SLC4A8: variants seen among roughly 807,000 people sequenced by gnomAD.
SLC4A8 encodes solute carrier family 4 member 8.
In SLC4A8, 40 loss-of-function variants were observed where a neutral mutation model predicts 125.0. That is an observed-to-expected ratio of 0.32 (90% CI 0.25 to 0.42). The LOEUF is 0.42. SLC4A8 is among the 10% of genes least tolerant of loss of function. SLC4A8 has a pLI of 1.00. For missense variants in SLC4A8, 863 were observed against 1,355.1 expected, an observed-to-expected ratio of 0.64 and a Z score of 5.70; for synonymous variants, 456 against 476.0, an observed-to-expected ratio of 0.96 and a Z score of 0.55.
At chr12:51,445,653 T>C (rs1201585228) in intron 2 of SLC4A8, among the ~76,000 whole-genome samples, 3 of 152,048 alleles carry the variant, frequency 2.0e-5, no homozygotes, top group African/African-American at 7.2e-5. Flanking sequence ...ACCTGTGCAC[T>C]TGATCTTCCC....
Position 51,503,813 on chromosome 12 carries a change from T to C in SLC4A8, c.3082-216T>C, listed in dbSNP as rs771446621. On this transcript the variant is annotated intron_variant, in intron 22 of 24. Transcript: ENST00000453097. ...ATTAGCTCTAGAGGTTTACTCAGAT[T>C]GACATTTTCTTTTTTTCTTTTTTGA... 5.9e-5 allele frequency among the ~76,000 whole-genome samples: 9 copies of C among 152,346 alleles called. No homozygotes were observed. The South Asian group carries it at 1.7e-3, about 28-fold the overall frequency.
chr12:51,433,100 A>G (rs1592173371), intron 1 of SLC4A8, among the ~76,000 whole-genome samples: 1 of 152,162 alleles, frequency 6.6e-6, no homozygotes, highest in African/African-American at 2.4e-5. Context: ...AGCTGGGGCC[A>G]TTATGTAAGA....
At chr12:51,424,376 G>A (rs1948889491), upstream of SLC4A8, 1 of 152,250 alleles carries the variant, frequency 6.6e-6, no homozygotes, top group Non-Finnish European at 1.5e-5. Context: ...GTGAGACTGT[G>A]AGGGAGCCTG....
intron 1 of SLC4A8, among the ~76,000 whole-genome samples, chr12:51,427,112 G>A (rs1949018581): frequency 6.6e-6 from 1 of 151,762 alleles, no homozygotes; most frequent in African/African-American, 2.4e-5. Context: ...CTAATTTTTT[G>A]TATTTTTAGT....
At position 51,475,156 on chromosome 12, in the gene SLC4A8, C is replaced by T. The variant is rs763361233; in HGVS notation, c.2122C>T (p.Leu708Phe). ...TATTCTCTTTTTCACCACCTTCATC[C>T]TCTCAAGCACCTTAAAGACGTTTAA... ...SCILFFTTFI[L>F]SSTLKTFKTS... is the part of the protein sequence containing the mutation. Residue 708 changes from leucine to phenylalanine, a missense_variant, in exon 16 of 25, where the codon CTC becomes TTC. Coordinates refer to ENST00000453097, the MANE Select transcript of SLC4A8 (RefSeq NM_001039960.3). 1.2e-6 allele frequency: 2 copies of T among 1,614,190 alleles called. No homozygotes were observed. Among genetic ancestry groups the T allele is most frequent in the South Asian group, 1.1e-5 (1 of 91,082 alleles).
chr12:51,392,899 A>G (rs910088471), intron 1 of SLC4A8: 12 of 152,192 alleles, frequency 7.9e-5, no homozygotes, highest in African/African-American at 2.9e-4. Flanking sequence ...CCAAATAGCC[A>G]ATAATTTGAA....
In SLC4A8 at chr12:51,460,116, CA is replaced by C; in HGVS notation, c.1013+11del. On this transcript the variant is annotated intron_variant, in intron 8 of 24. Coordinates refer to ENST00000453097, the MANE Select transcript of SLC4A8 (RefSeq NM_001039960.3). The stretch of plus-strand genomic sequence containing the variant: ...AGTGCCAATCCCAACAAGGTAAAGG[CA>C]AAGATAAAACTCATGCATTCTATCC... The C allele has an allele frequency of 1.2e-6, 2 of 1,611,366 alleles. No individual in the cohort carries two copies. The highest frequency in any genetic ancestry group is 1.3e-5 in the African/African-American group (1 of 74,976).
At position 51,510,924 on chromosome 12, in the gene SLC4A8, C is replaced by T. The variant is rs1182127826; in HGVS notation, c.*3486C>T. ...TTGACTCATTAGCTGATTGTTGGATCTCTTTGTGAGGTTCGATTTTTTAAA... is the reference window on the plus strand; with the variant it reads ...TTGACTCATTAGCTGATTGTTGGATTTCTTTGTGAGGTTCGATTTTTTAAA... On this transcript the variant is annotated 3_prime_UTR_variant, in exon 25 of 25. Coordinates refer to ENST00000453097, the MANE Select transcript of SLC4A8 (RefSeq NM_001039960.3). 1 of 152,172 alleles carries T rather than the reference C, an allele frequency of 6.6e-6. No individual in the cohort carries two copies. The highest frequency in any genetic ancestry group is 1.5e-5 in the Non-Finnish European group (1 of 68,044). The allele number at this position is 152,172 out of a possible 1,614,324, so 9.4% of individuals were successfully genotyped here.
intron 11 of SLC4A8, among the ~76,000 whole-genome samples, chr12:51,465,539 C>G (rs576464571): frequency 2.0e-5 from 3 of 152,112 alleles, no homozygotes; most frequent in African/African-American, 4.8e-5. Flanking sequence ...ATTCACAAAC[C>G]GCAAGTATCT....
intron 1 of SLC4A8, among the ~76,000 whole-genome samples, chr12:51,404,663 C>T (rs980367465): frequency 2.0e-5 from 3 of 152,154 alleles, no homozygotes; most frequent in African/African-American, 7.2e-5. Context: ...GGAGAGTCAA[C>T]TTGACCGTGA....
chr12:51,482,860 ATTTTTCTGCC>A (rs1024883450), intron 16 of SLC4A8, among the ~76,000 whole-genome samples: 4 of 152,084 alleles, frequency 2.6e-5, no homozygotes, highest in African/African-American at 4.8e-5. Flanking sequence ...AAAGCAGAAA[ATTTTTCTGCC>A]TGAAAACCAA....
chr12:51,479,914 T>C, intron 16 of SLC4A8: 1 of 381,518 alleles, frequency 2.6e-6, no homozygotes, highest in Non-Finnish European at 5.0e-6. Flanking sequence ...TGCCCTTTTT[T>C]CTGTCTCACG....
intron 22 of SLC4A8, chr12:51,501,846 G>A (rs10783451): frequency 0.48 from 73,451 of 152,056 alleles, 18,071 homozygotes; most frequent in Non-Finnish European, 0.53. Flanking sequence ...AATAATAGTC[G>A]TTCTGACTGA....
chr12:51,441,303 T>TA, intron 2 of SLC4A8: 3 of 641,458 alleles, frequency 4.7e-6, no homozygotes, highest in Non-Finnish European at 5.8e-6. Context: ...ACCTGTGACA[T>TA]ACTCTTGAGT....
intron 1 of SLC4A8, among the ~76,000 whole-genome samples, chr12:51,426,064 G>T (rs1431615212): frequency 2.0e-5 from 3 of 152,158 alleles, no homozygotes; most frequent in African/African-American, 4.8e-5. Flanking sequence ...AGGGTAATGG[G>T]CCATCTCAGG....
In SLC4A8 at chr12:51,511,374, A is replaced by C. The variant is rs921422911; in HGVS notation, c.*3936A>C. ...ATTTCATCAGTTACTCCTGGAATCAAAATGAGTGTGGAGTCATAATATATA... is the reference window on the plus strand; with the variant it reads ...ATTTCATCAGTTACTCCTGGAATCACAATGAGTGTGGAGTCATAATATATA... On this transcript the variant is annotated 3_prime_UTR_variant, in exon 25 of 25. Transcript: ENST00000453097. 2 of 152,192 alleles carry C rather than the reference A, an allele frequency of 1.3e-5. No individual in the cohort carries two copies. The highest frequency in any genetic ancestry group is 4.8e-5 in the African/African-American group (2 of 41,430). The allele number at this position is 152,192 out of a possible 1,614,324, so 9.4% of individuals were successfully genotyped here. A position where few individuals can be genotyped will look rare whatever the true frequency, so the allele number is the denominator to read the frequency against.
At chr12:51,467,871 TA>T (rs558528983) in intron 11 of SLC4A8, among the ~76,000 whole-genome samples, 9 of 152,186 alleles carry the variant, frequency 5.9e-5, no homozygotes, top group African/African-American at 1.4e-4. Flanking sequence ...ATTAGGACAT[TA>T]AAAAAATTAT....
At chr12:51,395,458 G>A (rs555131602) in intron 1 of SLC4A8, among the ~76,000 whole-genome samples, 145 of 152,308 alleles carry the variant, frequency 9.5e-4, no homozygotes, top group Non-Finnish European at 1.6e-3. Flanking sequence ...CATAAGGCAG[G>A]AAACCTGGAG....
At chr12:51,451,604 T>C (rs528130416) in intron 3 of SLC4A8, among the ~76,000 whole-genome samples, 1 of 152,226 alleles carries the variant, frequency 6.6e-6, no homozygotes, top group Admixed American at 6.5e-5. Context: ...TTGATTCACA[T>C]AGAGTTAAAT....
Sources: gnomAD v4.1 joint callset for allele counts (sites outside exome capture counted in the v4.1 genomes callset) on GRCh38, gnomAD v4.1.1 for gene constraint, MANE v1.5 for transcripts, NCBI Gene and HGNC (gene_info 2026-07-23, HGNC 2026-07-21) for gene names.